Variants in TMEM126B observed in about 807,000 individuals in gnomAD.
The protein encoded by TMEM126B is complex I assembly factor TMEM126B, mitochondrial.
TMEM126B carries 19 observed loss-of-function variants against 16.5 expected under a neutral mutation model. That is an observed-to-expected ratio of 1.15 (90% CI 0.80 to 1.69). The LOEUF (loss-of-function observed/expected upper bound fraction) is 1.69, where lower values mean the gene tolerates loss of function less well. TMEM126B is among the 40% of genes most tolerant of loss of function. The pLI is 0.00. For synonymous variants in TMEM126B, 104 were observed against 93.2 expected, an observed-to-expected ratio of 1.12 and a Z score of -0.67; for missense variants, 293 against 278.7, an observed-to-expected ratio of 1.05 and a Z score of -0.37.
chr11:85,631,607 T>C, intron 1 of TMEM126B, 80 bp from the exon 2 acceptor site: 21 of 1,478,662 alleles, frequency 1.4e-5, no homozygotes, highest in Non-Finnish European at 1.9e-5. Flanking sequence ...TGTTTTCAAA[T>C]CTGAATCTGT....
rs1391868517 is a variant in TMEM126B at position 85,636,216 on chromosome 11, T to C, written c.680T>C (p.Ile227Thr). The change falls in exon 5 of 5, where the codon ATA (isoleucine) becomes ACA (threonine). Residue 227 changes from isoleucine (I) to threonine (T), a missense_variant. By Grantham distance (89) the Ile-to-Thr change is moderately conservative. Coordinates refer to ENST00000358867, the MANE Select transcript of TMEM126B (RefSeq NM_018480.7). ...TTTGAAGAGACACTTGAGAAAACTA[T>C]ACATGAAGAGTAACCAAAAAAATGA... ...AVFEETLEKT[I>T]HEE 1 of 1,531,190 alleles carries C rather than the reference T, an allele frequency of 6.5e-7. No individual in the cohort carries two copies. Among genetic ancestry groups the C allele is most frequent in the Non-Finnish European group, 8.8e-7 (1 of 1,140,864 alleles). The allele number at this position is 1,531,190 out of a possible 1,614,324, so 94.9% of individuals were successfully genotyped here.
At chr11:85,630,347 A>G (rs768812423) in intron 1 of TMEM126B, among the ~76,000 whole-genome samples, 2 of 152,190 alleles carry the variant, frequency 1.3e-5, no homozygotes, top group Non-Finnish European at 2.9e-5. Flanking sequence ...GACTCCTTAA[A>G]TTTGAGATTT....
chr11:85,630,303 A>G (rs1299536484), intron 1 of TMEM126B, among the ~76,000 whole-genome samples: 2 of 152,238 alleles, frequency 1.3e-5, no homozygotes, highest in African/African-American at 2.4e-5. Flanking sequence ...TTGTGTGTTC[A>G]TTATGCTTTA....
Position 85,634,200 on chromosome 11 carries a change from A to G in TMEM126B, c.318A>G (p.Thr106=). The G allele has an allele frequency of 6.2e-7, 1 of 1,613,404 alleles. No individual in the cohort carries two copies. The highest frequency in any genetic ancestry group is 2.2e-5 in the East Asian group (1 of 44,800). Residue 106 remains threonine, a synonymous_variant, in exon 3 of 5, where the codon ACA becomes ACG. Coordinates refer to ENST00000358867, the MANE Select transcript of TMEM126B (RefSeq NM_018480.7). Reference sequence around the variant, plus strand: ...AGGTTAAACATGATGCTTTGAAGACATATGCATCATTGGCTACACTTCCAT... The same window carrying G: ...AGGTTAAACATGATGCTTTGAAGACGTATGCATCATTGGCTACACTTCCAT... ...CFKVKHDALK[T]YASLATLPFL... is the part of the protein sequence containing the mutation.
chr11:85,629,184 T>A (rs1311053783), intron 1 of TMEM126B: 4 of 1,279,534 alleles, frequency 3.1e-6, no homozygotes, highest in Non-Finnish European at 3.1e-6. Context: ...ATGGGATGAC[T>A]GTATCTTGAT....
chr11:85,633,940 A>G (rs2082351133), intron 2 of TMEM126B, 146 bp from the exon 3 acceptor site: 2 of 610,840 alleles, frequency 3.3e-6, no homozygotes, highest in East Asian at 5.6e-5. Context: ...TTACTGTCCT[A>G]TCTTAAGCAC....
Position 85,636,130 on chromosome 11 carries a change from G to A in TMEM126B, c.594G>A (p.Ala198=), listed in dbSNP as rs527456481. The change falls in exon 5 of 5, where the codon GCG becomes GCA. Residue 198 remains alanine (A), a synonymous_variant. Transcript: ENST00000358867. ...GTCAAACACAAATGAAATTAATGGCGATTCCTCTAGTCTTTCAGATTATGT... is the reference window on the plus strand; with the variant it reads ...GTCAAACACAAATGAAATTAATGGCAATTCCTCTAGTCTTTCAGATTATGT... The part of the protein sequence containing the change: ...TLCQTQMKLM[A]IPLVFQIMFG... The A allele has an allele frequency of 4.3e-6, 7 of 1,612,458 alleles. No homozygotes were observed. The African/African-American group carries it at 5.3e-5, about 12-fold the overall frequency.
intron 1 of TMEM126B, 21 bp from the exon 2 acceptor site, chr11:85,631,666 C>T (rs2082298884): frequency 6.3e-7 from 1 of 1,593,300 alleles, no homozygotes; most frequent in African/African-American, 1.5e-5. Context: ...GCTATTATGG[C>T]TCTGGAATTT....
At chr11:85,629,077 A>G in intron 1 of TMEM126B, 2 of 546,518 alleles carry the variant, frequency 3.7e-6, no homozygotes, top group Non-Finnish European at 6.5e-6. Flanking sequence ...GCTTTTTCTT[A>G]GGTTGTTGGG....
intron 1 of TMEM126B, chr11:85,631,112 C>T (rs1014086901): frequency 7.8e-7 from 1 of 1,279,618 alleles, no homozygotes; most frequent in African/African-American, 1.7e-5. Context: ...CACTATTCTC[C>T]AAGGCAATCC....
Position 85,634,125 on chromosome 11 carries a change from A to G in TMEM126B, c.243A>G (p.Thr81=). 2 of 1,613,596 alleles carry G rather than the reference A, an allele frequency of 1.2e-6. No individual in the cohort carries two copies. The highest frequency in any genetic ancestry group is 1.7e-6 in the Non-Finnish European group (2 of 1,179,884). Residue 81 remains threonine (T), a synonymous_variant, in exon 3 of 5, where the codon ACA becomes ACG. Coordinates refer to ENST00000358867, the MANE Select transcript of TMEM126B (RefSeq NM_018480.7). ...ATCAAATGGCGACATTTGGAACAAC[A>G]GCTGGTTTCTCTGGAATATTCTCAA... ...NIYQMATFGT[T]AGFSGIFSNF...
intron 3 of TMEM126B, among the ~76,000 whole-genome samples, chr11:85,635,355 T>C (rs942282502): frequency 6.6e-6 from 1 of 152,222 alleles, no homozygotes; most frequent in African/African-American, 2.4e-5. Context: ...GAGGTTGCAG[T>C]GAGCCGAGAT....
Position 85,634,212 on chromosome 11 carries a change from G to T in TMEM126B, c.330G>T (p.Leu110Phe), listed in dbSNP as rs752986522. 1 of 1,613,584 alleles carries T rather than the reference G, an allele frequency of 6.2e-7. No homozygotes were observed. The change falls in exon 3 of 5, where the codon TTG becomes TTT. Residue 110 changes from leucine (L) to phenylalanine (F), a missense_variant. Leu to Phe is a conservative substitution (Grantham distance 22). Transcript: ENST00000358867. The part of the protein sequence containing the change: ...KHDALKTYAS[L>F]ATLPFLSTVV... The stretch of plus-strand genomic sequence containing the variant: ...ATGCTTTGAAGACATATGCATCATT[G>T]GCTACACTTCCATTTTTGTCTACTG...
intron 2 of TMEM126B, among the ~76,000 whole-genome samples, chr11:85,632,389 G>A (rs376192758): frequency 1.9e-4 from 29 of 152,106 alleles, no homozygotes; most frequent in African/African-American, 5.1e-4. Flanking sequence ...GATTACAGGC[G>A]TGTACCACCA....
At chr11:85,631,048 T>G in intron 1 of TMEM126B, 1 of 898,682 alleles carries the variant, frequency 1.1e-6, no homozygotes, top group South Asian at 1.4e-5. Context: ...GTAGCCACAA[T>G]CCACTGCCTG....
chr11:85,635,909 T>G, intron 4 of TMEM126B, 131 bp downstream of exon 4: 1 of 1,126,072 alleles, frequency 8.9e-7, no homozygotes, highest in Non-Finnish European at 1.2e-6. Flanking sequence ...TAGTTTGGTA[T>G]TTCAGATAGC....
intron 1 of TMEM126B, among the ~76,000 whole-genome samples, chr11:85,628,913 C>T (rs1015916233): frequency 6.6e-6 from 1 of 152,204 alleles, no homozygotes; most frequent in Non-Finnish European, 1.5e-5. Context: ...TTTCTCTTGT[C>T]TCCAGGCCTT....
intron 3 of TMEM126B, among the ~76,000 whole-genome samples, 173 bp from the exon 4 acceptor site, chr11:85,635,494 T>C (rs547613775): frequency 2.0e-5 from 3 of 152,236 alleles, no homozygotes; most frequent in Admixed American, 6.5e-5. Context: ...ATAAAAACTT[T>C]TTAAAATGTG....
chr11:85,632,219 G>T (rs1287523279), intron 2 of TMEM126B, among the ~76,000 whole-genome samples: 1 of 152,072 alleles, frequency 6.6e-6, no homozygotes, highest in Non-Finnish European at 1.5e-5. Flanking sequence ...AGATTTCATG[G>T]TATAAATATA....
Sources: allele counts gnomAD v4.1 joint callset (sites outside exome capture counted in the v4.1 genomes callset), GRCh38; gene constraint gnomAD v4.1.1; transcripts MANE v1.5; gene names NCBI Gene and HGNC (gene_info 2026-07-23, HGNC 2026-07-21).